VILL: variants seen among roughly 807,000 people sequenced by gnomAD.
VILL encodes the protein villin like, also known as villin-like protein.
VILL carries 102 observed loss-of-function variants against 106.3 expected under a neutral mutation model. The ratio of observed to expected loss-of-function variants is 0.96; its 90% confidence interval spans 0.82 to 1.13. The LOEUF (loss-of-function observed/expected upper bound fraction) is 1.13, where lower values mean the gene tolerates loss of function less well. Among genes scored for constraint, VILL ranks in the 50% most tolerant of loss-of-function variants. The probability of loss-of-function intolerance (pLI) is 0.00; values close to 1 mark genes in which losing one functional copy is unlikely to be tolerated. For synonymous variants in VILL, 431 were observed against 440.3 expected, an observed-to-expected ratio of 0.98 and a Z score of 0.27; for missense variants, 1,076 against 1,116.6, an observed-to-expected ratio of 0.96 and a Z score of 0.52.
In VILL at chr3:37,999,016, G is replaced by A; in HGVS notation, c.1047G>A (p.Glu349=). ...AGCAGCTCTTCCGGACTTGGTCTGA[G>A]AAGCGGCGCAGGAACCAGAAGCTCG... ...AFKQLFRTWS[E]KRRRNQKLGG... The change falls in exon 10 of 20, where the codon GAG becomes GAA. Residue 349 remains glutamate (E), a synonymous_variant. Coordinates refer to ENST00000383759, the MANE Select transcript of VILL (RefSeq NM_015873.4). 1 of 1,598,440 alleles carries A rather than the reference G, an allele frequency of 6.3e-7. No individual in the cohort carries two copies. The highest frequency in any genetic ancestry group is 1.1e-5 in the South Asian group (1 of 90,508).
intron 4 of VILL, 101 bp downstream of exon 4, chr3:37,994,567 G>A (rs1357164772): frequency 8.7e-6 from 12 of 1,381,400 alleles, no homozygotes; most frequent in Non-Finnish European, 1.1e-5. Context: ...AATGGGGCAA[G>A]CCGGGAGGGG....
intron 1 of VILL, 84 bp from the exon 2 acceptor site, chr3:37,993,503 C>T: frequency 1.6e-6 from 1 of 630,320 alleles, no homozygotes; most frequent in South Asian, 2.0e-5. Flanking sequence ...TCACTTGCTG[C>T]AGAATCTGAG....
rs886393704 is a variant in VILL at position 37,994,486 on chromosome 3, G to A, written c.341+20G>A. 1.2e-6 allele frequency: 2 copies of A among 1,605,426 alleles called. No homozygotes were observed. Among genetic ancestry groups the A allele is most frequent in the Non-Finnish European group, 1.7e-6 (2 of 1,177,854 alleles). On this transcript the variant is annotated intron_variant, in intron 4 of 19. Transcript: ENST00000383759. ...AATCATGTGAGTGCGGGGGCGACCG[G>A]GGCAGGAGGGAGCCGTGGAGGCGGT... is the stretch of plus-strand genomic sequence containing the variant.
At position 38,005,781 on chromosome 3, in the gene VILL, CTG is replaced by C; in HGVS notation, c.1951-8_1951-7del. Reference sequence around the variant, plus strand: ...CCACCTGCCCAAGGCCAGGTCCCCTCTGTGGCTCAGATCTTCCTGTGGCTTGG... The same window carrying C: ...CCACCTGCCCAAGGCCAGGTCCCCTCTGGCTCAGATCTTCCTGTGGCTTGG... On this transcript the variant is annotated splice_polypyrimidine_tract_variant and intron_variant, in intron 16 of 19. Transcript: ENST00000383759. 1 of 1,603,016 alleles carries C rather than the reference CTG, an allele frequency of 6.2e-7. No individual in the cohort carries two copies. Among genetic ancestry groups the C allele is most frequent in the Admixed American group, 1.7e-5 (1 of 59,228 alleles).
upstream of VILL, among the ~76,000 whole-genome samples, chr3:37,989,107 C>A (rs1416694776): frequency 1.3e-5 from 2 of 152,090 alleles, no homozygotes; most frequent in African/African-American, 4.8e-5. Flanking sequence ...GGCCCAGGAT[C>A]CACCATGAAC....
Position 37,998,223 on chromosome 3 carries a change from C to G in VILL, c.844-43C>G, listed in dbSNP as rs1699742612. 6.2e-7 allele frequency: 1 copy of G among 1,613,788 alleles called. No homozygotes were observed. On this transcript the variant is annotated intron_variant, in intron 8 of 19. Transcript: ENST00000383759. The surrounding 1 kb of genome is among the most constrained non-coding windows in gnomAD (Gnocchi z 4.1). ...ATCCTTCCCCATCCACAACCCCAGCCCAGTCTGGACCACCTACTGACCAGC... is the reference window on the plus strand; with the variant it reads ...ATCCTTCCCCATCCACAACCCCAGCGCAGTCTGGACCACCTACTGACCAGC...
Position 38,006,567 on chromosome 3 carries a change from A to G in VILL, c.2324A>G (p.Lys775Arg), listed in dbSNP as rs1448192604. ...SSENDLVRSP[K>R]SAGSRTSSSV... ...GAGAATGATCTGGTGCGAAGCCCCA[A>G]GTCGGCTGGCAGCAGAACCAGCAGC... Residue 775 changes from lysine to arginine, a missense_variant, in exon 19 of 20, where the codon AAG (lysine) becomes AGG (arginine). Transcript: ENST00000383759. 14 of 1,614,044 alleles carry G rather than the reference A, an allele frequency of 8.7e-6. No individual in the cohort carries two copies. Among genetic ancestry groups the G allele is most frequent in the East Asian group, 2.2e-5 (1 of 44,898 alleles).
At chr3:38,001,400 G>T in intron 11 of VILL, 56 bp from the exon 12 acceptor site, 1 of 1,600,326 alleles carries the variant, frequency 6.2e-7, no homozygotes, top group South Asian at 1.1e-5. Flanking sequence ...GTACAGGATG[G>T]GTGGGCTGGT....
rs745469446 is a variant in VILL, at chr3:37,997,192, G to C, written c.561+5G>C. 6.2e-7 allele frequency: 1 copy of C among 1,613,900 alleles called. No individual in the cohort carries two copies. Among genetic ancestry groups the C allele is most frequent in the Non-Finnish European group, 8.5e-7 (1 of 1,179,796 alleles). ...AGCATTTCTGAGAAGGCTCGGGTCA[G>C]TGTCTGCCCAAGGAACTGGGGAGTA... On this transcript the variant is annotated splice_donor_5th_base_variant and intron_variant, in intron 6 of 19. Transcript: ENST00000383759. This position sits in a 1 kb window ranked among gnomAD's most constrained non-coding sequence, Gnocchi z 4.7.
At chr3:38,000,806 A>G in intron 11 of VILL, 4 of 449,382 alleles carry the variant, frequency 8.9e-6, no homozygotes, top group South Asian at 4.7e-5. Flanking sequence ...CAGTGTGGGA[A>G]AGGACACCCA....
Position 38,005,791 on chromosome 3 carries a change from G to C in VILL, c.1951-1G>C. 1 of 1,608,000 alleles carries C rather than the reference G, an allele frequency of 6.2e-7. No homozygotes were observed. The highest frequency in any genetic ancestry group is 8.5e-7 in the Non-Finnish European group (1 of 1,176,856). On this transcript the variant is annotated splice_acceptor_variant, in intron 16 of 19. Coordinates refer to ENST00000383759, the MANE Select transcript of VILL (RefSeq NM_015873.4). LOFTEE classifies it high-confidence loss of function. ...AAGGCCAGGTCCCCTCTGTGGCTCAGATCTTCCTGTGGCTTGGGGAAGCTG... is the reference window on the plus strand; with the variant it reads ...AAGGCCAGGTCCCCTCTGTGGCTCACATCTTCCTGTGGCTTGGGGAAGCTG...
At position 37,997,522 on chromosome 3, in the gene VILL, G is replaced by T; in HGVS notation, c.601G>T (p.Gly201Cys). ...LTYSLRDRER[G>C]GGRAQIGVVD... ...CTACAGCCTCCGGGACAGGGAACGTGGTGGTGGTCGTGCACAGATTGGTGT... is the reference window on the plus strand; with the variant it reads ...CTACAGCCTCCGGGACAGGGAACGTTGTGGTGGTCGTGCACAGATTGGTGT... Residue 201 changes from glycine to cysteine, a missense_variant, in exon 7 of 20, where the codon GGT (glycine) becomes TGT (cysteine). Physicochemically the swap from Gly to Cys is radical, Grantham distance 159. Coordinates refer to ENST00000383759, the MANE Select transcript of VILL (RefSeq NM_015873.4). The surrounding 1 kb of genome is among the most constrained non-coding windows in gnomAD (Gnocchi z 4.7). 2 of 1,613,992 alleles carry T rather than the reference G, an allele frequency of 1.2e-6. No individual in the cohort carries two copies.
In VILL at chr3:38,002,379, G is replaced by A; in HGVS notation, c.1480-17G>A. On this transcript the variant is annotated splice_polypyrimidine_tract_variant and intron_variant, in intron 13 of 19. Coordinates refer to ENST00000383759, the MANE Select transcript of VILL (RefSeq NM_015873.4). The stretch of plus-strand genomic sequence containing the variant: ...CCTGGGAGCCCTTGCCCAGCCTGAG[G>A]CCTTGCTCTCCTATAGGAGAGAGCT... 6.3e-7 allele frequency: 1 copy of A among 1,585,334 alleles called. No homozygotes were observed. Among genetic ancestry groups the A allele is most frequent in the South Asian group, 1.1e-5 (1 of 88,164 alleles).
intron 14 of VILL, 190 bp downstream of exon 14, chr3:38,002,765 G>C (rs1471887090): frequency 2.9e-6 from 2 of 697,428 alleles, no homozygotes. Context: ...AGGTGGACCT[G>C]AGAGTCCGCA....
At position 37,998,320 on chromosome 3, in the gene VILL, A is replaced by C; in HGVS notation, c.898A>C (p.Met300Leu). 1 of 1,614,144 alleles carries C rather than the reference A, an allele frequency of 6.2e-7. No individual in the cohort carries two copies. The highest frequency in any genetic ancestry group is 8.5e-7 in the Non-Finnish European group (1 of 1,180,000). Residue 300 changes from methionine (M) to leucine (L), a missense_variant, in exon 9 of 20, where the codon ATG becomes CTG. Met to Leu is a conservative substitution (Grantham distance 15). Coordinates refer to ENST00000383759, the MANE Select transcript of VILL (RefSeq NM_015873.4). The surrounding 1 kb of genome is among the most constrained non-coding windows in gnomAD (Gnocchi z 4.1). ...CAAGATCTATGTGTGGCAGGGACGC[A>C]TGTCTAGCCTCCAGGAGAGAAAGGC... is the stretch of plus-strand genomic sequence containing the variant. Reference protein sequence around the residue: ...GFKIYVWQGRMSSLQERKAAF... With the variant: ...GFKIYVWQGRLSSLQERKAAF...
chr3:37,994,207 C>T (rs1699658657), intron 3 of VILL, 54 bp from the exon 4 acceptor site: 1 of 1,550,078 alleles, frequency 6.5e-7, no homozygotes, highest in African/African-American at 1.4e-5. Context: ...TCCCCTTCTC[C>T]ACCCGCACCT....
At chr3:37,996,733 G>A (rs1699708068) in intron 5 of VILL, among the ~76,000 whole-genome samples, 1 of 152,168 alleles carries the variant, frequency 6.6e-6, no homozygotes, top group African/African-American at 2.4e-5. Flanking sequence ...TCCGTTTGGA[G>A]ACTATCTTCA....
At position 37,993,659 on chromosome 3, in the gene VILL, C is replaced by T; in HGVS notation, c.-14C>T. ...TTGTTCCTTGTGTCGTCCCATATTC[C>T]TGCCTGGCCTGCGATGGACATCAGC... On this transcript the variant is annotated 5_prime_UTR_variant, in exon 2 of 20. Transcript: ENST00000383759. 2.5e-6 allele frequency: 4 copies of T among 1,613,498 alleles called. No individual in the cohort carries two copies. Among genetic ancestry groups the T allele is most frequent in the Non-Finnish European group, 3.4e-6 (4 of 1,179,636 alleles).
rs1341448882 is a variant in VILL, at chr3:38,007,083, C to T, written c.*28C>T. The T allele has an allele frequency of 6.3e-7, 1 of 1,580,982 alleles. No homozygotes were observed. Among genetic ancestry groups the T allele is most frequent in the South Asian group, 1.1e-5 (1 of 90,164 alleles). On this transcript the variant is annotated 3_prime_UTR_variant, in exon 20 of 20. Coordinates refer to ENST00000383759, the MANE Select transcript of VILL (RefSeq NM_015873.4). ...CCAAGCCCTCTCGACTGCCCCTATC[C>T]CCTGGACCCCAACATACCTACAATG...
Sources: allele counts gnomAD v4.1 joint callset (sites outside exome capture counted in the v4.1 genomes callset), GRCh38; gene constraint gnomAD v4.1.1; non-coding constraint Gnocchi (gnomAD v3.1); transcripts MANE v1.5; gene names NCBI Gene and HGNC (gene_info 2026-07-23, HGNC 2026-07-21).